PAK5: variants seen among roughly 807,000 people sequenced by gnomAD.
The protein encoded by PAK5 is serine/threonine-protein kinase PAK 5.
In PAK5, 16 loss-of-function variants were observed where a neutral mutation model predicts 65.9. The observed-to-expected ratio is 0.24, with a 90% CI of 0.16 to 0.37. The LOEUF (loss-of-function observed/expected upper bound fraction) is 0.37, where lower values mean the gene tolerates loss of function less well. PAK5 is among the 10% of genes least tolerant of loss of function. PAK5 has a pLI of 1.00. For synonymous variants in PAK5, 371 were observed against 354.9 expected (o/e 1.05, Z -0.51); for missense variants, 785 against 903.9 (o/e 0.87, Z 1.69).
intron 3 of PAK5, among the ~76,000 whole-genome samples, chr20:9,621,530 A>T: frequency 6.6e-6 from 1 of 152,018 alleles, no homozygotes; most frequent in African/African-American, 2.4e-5. Flanking sequence ...TGAAAAAAAA[A>T]AAAAAAAATA....
At chr20:9,698,927 T>A (rs2047903889) in intron 2 of PAK5, among the ~76,000 whole-genome samples, 1 of 152,222 alleles carries the variant, frequency 6.6e-6, no homozygotes, top group South Asian at 2.1e-4. Flanking sequence ...TAACCATTTT[T>A]AAAATTTTTC....
At position 9,550,731 on chromosome 20, in the gene PAK5, G is replaced by GGTGT. The variant is rs111410496; in HGVS notation, c.1744-6241_1744-6238dup. Among the ~76,000 whole-genome samples, 1,358 of 148,546 alleles carry GGTGT rather than the reference G, an allele frequency of 9.1e-3. 21 individuals are homozygous for GGTGT. Among genetic ancestry groups the GGTGT allele is most frequent in the African/African-American group, 0.028 (1,141 of 40,182 alleles). The stretch of plus-strand genomic sequence containing the variant: ...TAGGAAGCATAGAAACCATAATTGT[G>GGTGT]GTGTGTGTGTGTGTGTGTGTGTGTG... On this transcript the variant is annotated intron_variant, in intron 7 of 9. Coordinates refer to ENST00000353224, the MANE Select transcript of PAK5 (RefSeq NM_177990.4).
intron 1 of PAK5, among the ~76,000 whole-genome samples, chr20:9,740,192 T>A (rs1490378381): frequency 6.6e-6 from 1 of 152,146 alleles, no homozygotes; most frequent in Non-Finnish European, 1.5e-5. Flanking sequence ...TTGGCAGGGA[T>A]TAGTTGACTG....
At chr20:9,832,989 T>A (rs1376058140) in intron 1 of PAK5, among the ~76,000 whole-genome samples, 4 of 152,254 alleles carry the variant, frequency 2.6e-5, no homozygotes, top group Admixed American at 2.6e-4. Context: ...TATGAGAGTT[T>A]AAAATATATT....
chr20:9,764,190 T>C (rs908591278), intron 1 of PAK5, among the ~76,000 whole-genome samples: 3 of 152,206 alleles, frequency 2.0e-5, no homozygotes, highest in African/African-American at 4.8e-5. Flanking sequence ...GACACTGTGT[T>C]GGCTTCCATG....
At chr20:9,593,826 TTCTCTCTC>T (rs758935621) in intron 3 of PAK5, among the ~76,000 whole-genome samples, 3 of 148,504 alleles carry the variant, frequency 2.0e-5, no homozygotes, top group African/African-American at 4.9e-5. Context: ...CTCTCTCTCT[TTCTCTCTC>T]TCTCTCTCTC....
At chr20:9,624,235 T>C (rs1348867230) in intron 3 of PAK5, among the ~76,000 whole-genome samples, 2 of 152,156 alleles carry the variant, frequency 1.3e-5, no homozygotes, top group Non-Finnish European at 2.9e-5. Flanking sequence ...GAGAACTGTA[T>C]CAGAAAATGC....
At chr20:9,562,403 T>A (rs2045604520) in intron 6 of PAK5, among the ~76,000 whole-genome samples, 2 of 152,206 alleles carry the variant, frequency 1.3e-5, no homozygotes, top group African/African-American at 4.8e-5. Flanking sequence ...AGGCTGGTAA[T>A]TAACCATCGT....
intron 7 of PAK5, among the ~76,000 whole-genome samples, chr20:9,556,529 C>T (rs771354433): frequency 6.6e-5 from 10 of 152,194 alleles, no homozygotes; most frequent in Non-Finnish European, 1.2e-4. Flanking sequence ...ATGGTTGGCT[C>T]CATTCATGCC....
chr20:9,728,320 C>T (rs1452505027), intron 1 of PAK5, among the ~76,000 whole-genome samples: 2 of 152,088 alleles, frequency 1.3e-5, no homozygotes, highest in African/African-American at 4.8e-5. Flanking sequence ...GTTTCTAAGT[C>T]ACCCAATCCC....
At chr20:9,558,661 C>G (rs1223365951) in intron 6 of PAK5, among the ~76,000 whole-genome samples, 1 of 152,178 alleles carries the variant, frequency 6.6e-6, no homozygotes, top group Non-Finnish European at 1.5e-5. Flanking sequence ...ACCCTACTTC[C>G]CATTCACCCT....
At position 9,566,353 on chromosome 20, in the gene PAK5, C is replaced by G. The variant is rs6077563; in HGVS notation, c.1022G>C (p.Ser341Thr). Residue 341 changes from serine to threonine, a missense_variant, in exon 5 of 10, where the codon AGC becomes ACC. Around this residue, in one of 4 missense-constraint regions of PAK5, gnomAD observed 422 missense variants for 413.3 expected, o/e 1.02. Coordinates refer to ENST00000353224, the MANE Select transcript of PAK5 (RefSeq NM_177990.4). ...VDYDRAQMVL[S>T]PPLSGSDTYP... ...GGTGTCAGACCCTGACAGTGGAGGGCTGAGGACCATCTGTGCTCGATCGTA... is the reference window on the plus strand; with the variant it reads ...GGTGTCAGACCCTGACAGTGGAGGGGTGAGGACCATCTGTGCTCGATCGTA... 1.2e-6 allele frequency: 2 copies of G among 1,613,416 alleles called. No homozygotes were observed. The highest frequency in any genetic ancestry group is 1.7e-6 in the Non-Finnish European group (2 of 1,179,760).
chr20:9,737,332 A>C lies in PAK5; in HGVS notation c.-161-25897T>G, dbSNP rs186784028. 3.9e-5 allele frequency among the ~76,000 whole-genome samples: 6 copies of C among 152,334 alleles called. No homozygotes were observed. In the East Asian group the frequency reaches 1.2e-3, roughly 29 times the overall value. The stretch of plus-strand genomic sequence containing the variant: ...GGAAAAGGATAGGCTAGAACTAACC[A>C]AAAGAAAGTTGGAATGCTTATTAAT... On this transcript the variant is annotated intron_variant, in intron 1 of 9. Transcript: ENST00000353224.
intron 1 of PAK5, among the ~76,000 whole-genome samples, chr20:9,725,431 G>GT (rs2048264969): frequency 6.6e-6 from 1 of 151,928 alleles, no homozygotes; most frequent in South Asian, 2.1e-4. Context: ...TGTAATGGAA[G>GT]AAAAGCTAAG....
intron 3 of PAK5, among the ~76,000 whole-genome samples, chr20:9,633,593 C>T (rs552682790): frequency 3.9e-5 from 6 of 152,316 alleles, no homozygotes; most frequent in African/African-American, 1.4e-4. Context: ...GGCCTGTTGC[C>T]TAAGAGATTT....
At chr20:9,566,752 G>T (rs963979382) in intron 4 of PAK5, among the ~76,000 whole-genome samples, 3 of 152,120 alleles carry the variant, frequency 2.0e-5, no homozygotes, top group African/African-American at 7.2e-5. Context: ...ACATACTAGA[G>T]GGTGGTATGG....
intron 1 of PAK5, among the ~76,000 whole-genome samples, chr20:9,791,068 A>G (rs565334052): frequency 9.9e-5 from 15 of 152,276 alleles, no homozygotes; most frequent in South Asian, 8.3e-4. Flanking sequence ...CTTACATGGC[A>G]GTAAAGTCCA....
At chr20:9,719,190 G>T (rs1375356153) in intron 1 of PAK5, among the ~76,000 whole-genome samples, 2 of 152,064 alleles carry the variant, frequency 1.3e-5, no homozygotes, top group African/African-American at 4.8e-5. Context: ...ACTCACAAAT[G>T]GATTTTCTTT....
intron 7 of PAK5, among the ~76,000 whole-genome samples, chr20:9,552,683 G>C (rs557953480): frequency 1.3e-5 from 2 of 151,096 alleles, no homozygotes; most frequent in South Asian, 2.1e-4. Context: ...AGCAATTCTC[G>C]GTCATTTTTC....
Sources: allele counts gnomAD v4.1 joint callset (sites outside exome capture counted in the v4.1 genomes callset), GRCh38; gene constraint gnomAD v4.1.1; regional missense constraint gnomAD v4.1.1; transcripts MANE v1.5; gene names NCBI Gene and HGNC (gene_info 2026-07-23, HGNC 2026-07-21).